Variants in RTN1 observed in about 807,000 individuals in gnomAD.
The protein encoded by RTN1 is reticulon-1.
A neutral mutation model predicts 65.5 loss-of-function variants in RTN1; 25 were observed. The observed-to-expected ratio is 0.38, with a 90% CI of 0.28 to 0.53. The LOEUF is 0.53. RTN1 is among the 20% of genes least tolerant of loss of function. RTN1 has a pLI of 0.79. For missense variants in RTN1, 983 were observed against 1,025.4 expected (o/e 0.96, Z 0.57); for synonymous variants, 471 against 447.6 (o/e 1.05, Z -0.66).
chr14:59,686,138 G>A (rs1430931061), intron 3 of RTN1, among the ~76,000 whole-genome samples: 1 of 152,114 alleles, frequency 6.6e-6, no homozygotes, highest in Non-Finnish European at 1.5e-5. Context: ...GTGGAAAATT[G>A]TTATCTCTCA....
Position 59,870,694 on chromosome 14 carries a change from G to A in RTN1, c.-64C>T, listed in dbSNP as rs1380792965. 2 of 1,305,582 alleles carry A rather than the reference G, an allele frequency of 1.5e-6. No individual in the cohort carries two copies. Among genetic ancestry groups the A allele is most frequent in the Non-Finnish European group, 1.9e-6 (2 of 1,034,556 alleles). 80.9% of individuals were successfully genotyped at this position (1,305,582 alleles called of 1,614,324 possible). A position where few individuals can be genotyped will look rare whatever the true frequency, so the allele number is the denominator to read the frequency against. The stretch of plus-strand genomic sequence containing the variant: ...GGGCAGAGGCTCGGTGGCTGCGCGG[G>A]CGCTCCCTGCTGCTGTCCCCGGAGG... On this transcript the variant is annotated 5_prime_UTR_variant, in exon 1 of 9. Transcript: ENST00000267484. The surrounding 1 kb of genome is among the most constrained non-coding windows in gnomAD (Gnocchi z 5.1).
chr14:59,739,513 CCTG>C (rs1250143976), intron 2 of RTN1, among the ~76,000 whole-genome samples: 1 of 149,002 alleles, frequency 6.7e-6, no homozygotes, highest in Admixed American at 6.7e-5. Flanking sequence ...TGCACTCCAG[CCTG>C]GGCAACAGAG....
chr14:59,606,391 G>A lies in RTN1; in HGVS notation c.1974-885C>T, dbSNP rs534289388. ...TGAAATCTTAACCCCCTATGTGATA[G>A]TGTTAGGAGGTGGGGCCTTGTGGGG... On this transcript the variant is annotated intron_variant, in intron 4 of 8. Coordinates refer to ENST00000267484, the MANE Select transcript of RTN1 (RefSeq NM_021136.3). 6.6e-5 allele frequency among the ~76,000 whole-genome samples: 10 copies of A among 152,150 alleles called. 1 individual carries two copies. Among genetic ancestry groups the A allele is most frequent in the African/African-American group, 2.2e-4 (9 of 41,480 alleles).
intron 1 of RTN1, among the ~76,000 whole-genome samples, chr14:59,852,106 T>C (rs1887519533): frequency 1.3e-5 from 2 of 152,184 alleles, no homozygotes; most frequent in Admixed American, 1.3e-4. Flanking sequence ...TTTACTCTTG[T>C]ATTATCTATA....
intron 1 of RTN1, among the ~76,000 whole-genome samples, chr14:59,848,253 C>G (rs1488591416): frequency 6.6e-6 from 1 of 152,204 alleles, no homozygotes; most frequent in African/African-American, 2.4e-5. Flanking sequence ...AGGTGAACTG[C>G]TAGGTGCTAA....
intron 3 of RTN1, among the ~76,000 whole-genome samples, chr14:59,609,180 G>C (rs1299652890): frequency 2.0e-5 from 3 of 152,050 alleles, no homozygotes; most frequent in African/African-American, 7.2e-5. Context: ...AGCGACTCGG[G>C]AGGCTGAGGC....
At chr14:59,726,503 CT>C (rs1345568220) in intron 3 of RTN1, among the ~76,000 whole-genome samples, 1 of 152,130 alleles carries the variant, frequency 6.6e-6, no homozygotes, top group Non-Finnish European at 1.5e-5. Context: ...ATAGAACATG[CT>C]AGTGGTGGGT....
At chr14:59,796,549 G>A (rs1886443137) in intron 1 of RTN1, among the ~76,000 whole-genome samples, 1 of 152,136 alleles carries the variant, frequency 6.6e-6, no homozygotes, top group Non-Finnish European at 1.5e-5. Flanking sequence ...ACACTTTCCT[G>A]TAACACTCTA....
intron 1 of RTN1, among the ~76,000 whole-genome samples, chr14:59,780,293 TTATACTGAAACC>T (rs1886129846): frequency 6.6e-6 from 1 of 152,168 alleles, no homozygotes; most frequent in Non-Finnish European, 1.5e-5. Context: ...AATACAATGC[TTATACTGAAACC>T]TAACCTTCCT....
intron 2 of RTN1, among the ~76,000 whole-genome samples, chr14:59,733,706 G>C (rs1010394776): frequency 1.3e-5 from 2 of 152,200 alleles, no homozygotes; most frequent in East Asian, 3.9e-4. Flanking sequence ...CTCCCAGCTG[G>C]GGCCTCTGGC....
chr14:59,663,548 C>A (rs1289652259), intron 3 of RTN1, among the ~76,000 whole-genome samples: 1 of 151,972 alleles, frequency 6.6e-6, no homozygotes, highest in African/African-American at 2.4e-5. Context: ...AACAGGCAAT[C>A]TACAGAATAG....
In RTN1 at chr14:59,867,437, G is replaced by A. The variant is rs544648755; in HGVS notation, c.241+2953C>T. Among the ~76,000 whole-genome samples the A allele has an allele frequency of 3.9e-5, 6 of 152,320 alleles. No individual in the cohort carries two copies. The East Asian group carries it at 1.2e-3, about 29-fold the overall frequency. ...TGTCCATTATCAGTTTAGACATGAAGTTGTAACTTTAGAAGACAGTGTTAT... is the reference window on the plus strand; with the variant it reads ...TGTCCATTATCAGTTTAGACATGAAATTGTAACTTTAGAAGACAGTGTTAT... On this transcript the variant is annotated intron_variant, in intron 1 of 8. Coordinates refer to ENST00000267484, the MANE Select transcript of RTN1 (RefSeq NM_021136.3).
intron 3 of RTN1, among the ~76,000 whole-genome samples, chr14:59,626,251 A>G (rs910698440): frequency 6.6e-6 from 1 of 152,212 alleles, no homozygotes; most frequent in Non-Finnish European, 1.5e-5. Context: ...AGAACAGACT[A>G]TCCTGAAGTG....
intron 3 of RTN1, among the ~76,000 whole-genome samples, chr14:59,629,243 G>C (rs1882480728): frequency 6.6e-6 from 1 of 152,222 alleles, no homozygotes; most frequent in Non-Finnish European, 1.5e-5. Context: ...GTAGACGACT[G>C]TATTTTATGT....
chr14:59,728,784 T>TA (rs1268312440), intron 2 of RTN1, among the ~76,000 whole-genome samples: 1 of 152,228 alleles, frequency 6.6e-6, no homozygotes, highest in Non-Finnish European at 1.5e-5. Flanking sequence ...TTTTATTCTT[T>TA]ATCCATATTC....
rs1163255776 is a variant in RTN1 at position 59,829,726 on chromosome 14, C to T, written c.241+40664G>A. On this transcript the variant is annotated intron_variant, in intron 1 of 8. Coordinates refer to ENST00000267484, the MANE Select transcript of RTN1 (RefSeq NM_021136.3). This position sits in a 1 kb window ranked among gnomAD's most constrained non-coding sequence, Gnocchi z 4.3. The stretch of plus-strand genomic sequence containing the variant: ...GGGAGGCCCCACTCCTGTGCTTCCA[C>T]AAAGCAAGAGGAAGGAAATGTGGTG... Among the ~76,000 whole-genome samples the T allele has an allele frequency of 6.6e-6, 1 of 152,128 alleles. No individual in the cohort carries two copies. Among genetic ancestry groups the T allele is most frequent in the Non-Finnish European group, 1.5e-5 (1 of 68,024 alleles).
chr14:59,637,136 T>G (rs1015370897), intron 3 of RTN1, among the ~76,000 whole-genome samples: 1 of 152,252 alleles, frequency 6.6e-6, no homozygotes, highest in Non-Finnish European at 1.5e-5. Flanking sequence ...CCTCTCAAAC[T>G]CTGCCACTCT....
intron 3 of RTN1, among the ~76,000 whole-genome samples, chr14:59,620,136 A>G (rs929798547): frequency 1.3e-5 from 2 of 152,160 alleles, no homozygotes; most frequent in Non-Finnish European, 2.9e-5. Context: ...AGTTGTTTTC[A>G]AAGAAGGAGG....
In RTN1 at chr14:59,615,688, G is replaced by T. The variant is rs559316836; in HGVS notation, c.1766-8196C>A. 3.9e-5 allele frequency among the ~76,000 whole-genome samples: 6 copies of T among 152,214 alleles called. No homozygotes were observed. The East Asian group carries it at 9.6e-4, about 24-fold the overall frequency. ...ACTAGCTTTAACATTAACAATGCAC[G>T]AATGCAAACATGAAATATGTTTTTC... On this transcript the variant is annotated intron_variant, in intron 3 of 8. Coordinates refer to ENST00000267484, the MANE Select transcript of RTN1 (RefSeq NM_021136.3).
Sources: allele counts gnomAD v4.1 joint callset (sites outside exome capture counted in the v4.1 genomes callset), GRCh38; gene constraint gnomAD v4.1.1; non-coding constraint Gnocchi (gnomAD v3.1); transcripts MANE v1.5; gene names NCBI Gene and HGNC (gene_info 2026-07-23, HGNC 2026-07-21).